CFTR: variants seen among roughly 807,000 people sequenced by gnomAD.
CFTR encodes the protein CF transmembrane conductance regulator.
Under a neutral mutation model 171.6 loss-of-function variants are expected in CFTR, and 181 were observed. That is an observed-to-expected ratio of 1.05 (90% confidence interval 0.93 to 1.19). CFTR has a LOEUF of 1.19. CFTR is among the 50% of genes most tolerant of loss of function. The probability of loss-of-function intolerance (pLI) is 0.00; values close to 1 mark genes in which losing one functional copy is unlikely to be tolerated. For synonymous variants in CFTR, 583 were observed against 608.0 expected, an observed-to-expected ratio of 0.96 and a Z score of 0.60; for missense variants, 1,968 against 1,734.7, an observed-to-expected ratio of 1.13 and a Z score of -2.39.
intron 24 of CFTR, among the ~76,000 whole-genome samples, chr7:117,656,187 T>A (rs1024093977): frequency 1.3e-5 from 2 of 152,096 alleles, no homozygotes; most frequent in African/African-American, 4.8e-5. Flanking sequence ...TAAATTATCA[T>A]CTCTCCACAC....
intron 3 of CFTR, among the ~76,000 whole-genome samples, chr7:117,524,779 G>A (rs571588878): frequency 2.0e-5 from 3 of 152,272 alleles, no homozygotes; most frequent in East Asian, 3.9e-4. Flanking sequence ...CAAATATCCC[G>A]ATTTATTCAC....
chr7:117,601,232 A>G (rs914779148), intron 15 of CFTR, among the ~76,000 whole-genome samples: 22 of 152,204 alleles, frequency 1.4e-4, no homozygotes, highest in Non-Finnish European at 3.1e-4. Context: ...GATTATTCTT[A>G]GGAAATACAC....
chr7:117,518,407 A>G (rs1410017299), intron 3 of CFTR, among the ~76,000 whole-genome samples: 1 of 147,124 alleles, frequency 6.8e-6, no homozygotes, highest in Non-Finnish European at 1.5e-5. Context: ...TAATTTATAT[A>G]TATGATTATA....
chr7:117,656,539 C>G (rs180879769), intron 24 of CFTR, among the ~76,000 whole-genome samples: 28 of 152,186 alleles, frequency 1.8e-4, no homozygotes, highest in African/African-American at 6.3e-4. Flanking sequence ...GTTCATTATA[C>G]TTGAGAGCAT....
intron 1 of CFTR, among the ~76,000 whole-genome samples, chr7:117,487,403 T>C (rs1218510010): frequency 6.6e-6 from 1 of 152,116 alleles, no homozygotes; most frequent in Admixed American, 6.5e-5. Flanking sequence ...TGCTAACTGA[T>C]GTCTGAACCT....
intron 21 of CFTR, among the ~76,000 whole-genome samples, chr7:117,624,598 A>G (rs1295865224): frequency 6.6e-6 from 1 of 152,096 alleles, no homozygotes; most frequent in African/African-American, 2.4e-5. Context: ...AATTCCCCAA[A>G]TCTACTTGAG....
chr7:117,535,206 A>C (rs774219669), intron 5 of CFTR, 42 bp from the exon 6 acceptor site: 3 of 1,605,422 alleles, frequency 1.9e-6, no homozygotes, highest in Non-Finnish European at 2.6e-6. Flanking sequence ...TAGGGGTGGA[A>C]GATACAATGA....
chr7:117,586,693 T>C (rs1391026383), intron 11 of CFTR, among the ~76,000 whole-genome samples: 1 of 151,834 alleles, frequency 6.6e-6, no homozygotes, highest in Non-Finnish European at 1.5e-5. Context: ...AAGAAGCATA[T>C]GGAAGAGAAG....
intron 24 of CFTR, among the ~76,000 whole-genome samples, chr7:117,656,572 A>C (rs544847391): frequency 6.6e-6 from 1 of 152,290 alleles, no homozygotes; most frequent in African/African-American, 2.4e-5. Flanking sequence ...TTTGATGGGG[A>C]GGAGAGCTGG....
At position 117,592,341 on chromosome 7, in the gene CFTR, A is replaced by G. The variant is rs1654671317; in HGVS notation, c.2174A>G (p.Glu725Gly). Residue 725 changes from glutamate to glycine, a missense_variant, in exon 14 of 27, where the codon GAA becomes GGA. Coordinates refer to ENST00000003084, the MANE Select transcript of CFTR (RefSeq NM_000492.4). The stretch of plus-strand genomic sequence containing the variant: ...ACTCCCTTACAAATGAATGGCATCG[A>G]AGAGGATTCTGATGAGCCTTTAGAG... ...QKTPLQMNGIEEDSDEPLERR... is the reference protein window; with the variant it reads ...QKTPLQMNGIGEDSDEPLERR... The G allele has an allele frequency of 6.2e-7, 1 of 1,614,046 alleles. No individual in the cohort carries two copies. Among genetic ancestry groups the G allele is most frequent in the African/African-American group, 1.3e-5 (1 of 74,930 alleles).
At chr7:117,612,023 GTATATATATA>G (rs772661286) in intron 20 of CFTR, among the ~76,000 whole-genome samples, 3 of 53,242 alleles carry the variant, frequency 5.6e-5, no homozygotes, top group Admixed American at 2.0e-4. Flanking sequence ...ATATATATAT[GTATATATATA>G]TATATATATA....
intron 22 of CFTR, among the ~76,000 whole-genome samples, chr7:117,640,961 T>C (rs1792902852): frequency 6.6e-6 from 1 of 152,170 alleles, no homozygotes; most frequent in Non-Finnish European, 1.5e-5. Context: ...TAGACTCCCC[T>C]GTCCTTGTTG....
intron 3 of CFTR, among the ~76,000 whole-genome samples, chr7:117,514,622 T>C (rs1206823881): frequency 6.6e-6 from 1 of 152,156 alleles, no homozygotes; most frequent in Non-Finnish European, 1.5e-5. Context: ...TAAACATATA[T>C]GTCCATGTGT....
rs193922525 is a variant in CFTR, at chr7:117,664,770, G to A, written c.4046G>A (p.Gly1349Asp). ...LVDGGCVLSH[G>D]HKQLMCLARS... ...GATGGGGGCTGTGTCCTAAGCCATG[G>A]CCACAAGCAGTTGATGTGCTTGGCT... is the stretch of plus-strand genomic sequence containing the variant. The change falls in exon 25 of 27, where the codon GGC becomes GAC. Residue 1349 changes from glycine (G) to aspartate (D), a missense_variant. Transcript: ENST00000003084. 1.2e-6 allele frequency: 2 copies of A among 1,613,992 alleles called. No homozygotes were observed. Among genetic ancestry groups the A allele is most frequent in the Non-Finnish European group, 1.7e-6 (2 of 1,179,904 alleles).
At chr7:117,666,103 A>T (rs1793372754) in intron 26 of CFTR, among the ~76,000 whole-genome samples, 1 of 152,206 alleles carries the variant, frequency 6.6e-6, no homozygotes, top group African/African-American at 2.4e-5. Flanking sequence ...TTACATCTGT[A>T]ATCCCAATAC....
chr7:117,550,213 G>A (rs544997527), intron 10 of CFTR, among the ~76,000 whole-genome samples: 2 of 152,010 alleles, frequency 1.3e-5, no homozygotes, highest in East Asian at 3.9e-4. Context: ...GTGGTGGTGT[G>A]TGCCTGTAGT....
intron 5 of CFTR, 88 bp from the exon 6 acceptor site, chr7:117,535,160 T>C (rs1309386443): frequency 7.1e-7 from 1 of 1,410,424 alleles, no homozygotes. Flanking sequence ...ATAAGCTCCT[T>C]TTACTTGCTT....
intron 15 of CFTR, 89 bp from the exon 16 acceptor site, chr7:117,602,737 A>C: frequency 9.5e-7 from 1 of 1,051,472 alleles, no homozygotes; most frequent in South Asian, 1.3e-5. Context: ...TACACACATC[A>C]AATGGTGTGA....
intron 25 of CFTR, 24 bp downstream of exon 25, chr7:117,664,884 T>C: frequency 6.2e-7 from 1 of 1,610,240 alleles, no homozygotes. Flanking sequence ...GTTCTGTTAC[T>C]TAATAGCACA....
Sources: gnomAD v4.1 joint callset for allele counts (sites outside exome capture counted in the v4.1 genomes callset) on GRCh38, gnomAD v4.1.1 for gene constraint, MANE v1.5 for transcripts, NCBI Gene and HGNC (gene_info 2026-07-23, HGNC 2026-07-21) for gene names.